EPSTI1: variants seen among roughly 807,000 people sequenced by gnomAD.
The protein encoded by EPSTI1 is epithelial stromal interaction 1, also known as epithelial-stromal interaction protein 1.
In EPSTI1, 66 loss-of-function variants were observed where a neutral mutation model predicts 49.9. That is an observed-to-expected ratio of 1.32 (90% CI 1.08 to 1.62). The LOEUF (loss-of-function observed/expected upper bound fraction) is 1.62, where lower values mean the gene tolerates loss of function less well. Among genes scored for constraint, EPSTI1 ranks in the 40% most tolerant of loss-of-function variants. The pLI, the probability that EPSTI1 is intolerant of heterozygous loss-of-function variation, is 0.00. For synonymous variants in EPSTI1, 137 were observed against 130.7 expected (o/e 1.05, Z -0.33); for missense variants, 394 against 365.5 (o/e 1.08, Z -0.64).
intron 6 of EPSTI1, among the ~76,000 whole-genome samples, chr13:42,940,546 A>G (rs1027924470): frequency 2.0e-5 from 3 of 152,132 alleles, no homozygotes; most frequent in Admixed American, 6.6e-5. Flanking sequence ...ACACACATTT[A>G]TCGGTGCTTA....
intron 6 of EPSTI1, among the ~76,000 whole-genome samples, chr13:42,948,425 G>GT (rs1237479085): frequency 0.098 from 12,533 of 127,900 alleles, 714 homozygotes; most frequent in East Asian, 0.26. Flanking sequence ...GTGGCTTGTT[G>GT]TTTTTTTTTT....
intron 6 of EPSTI1, among the ~76,000 whole-genome samples, chr13:42,936,896 A>C (rs1046911680): frequency 2.6e-5 from 4 of 152,166 alleles, no homozygotes; most frequent in African/African-American, 9.7e-5. Context: ...ATCTCAGTAC[A>C]TGGCATCACT....
chr13:42,943,164 T>G (rs1005596772), intron 6 of EPSTI1, among the ~76,000 whole-genome samples: 4 of 152,184 alleles, frequency 2.6e-5, no homozygotes, highest in African/African-American at 9.7e-5. Flanking sequence ...CACATAGAAG[T>G]GATGAAGTTG....
chr13:42,950,336 T>A (rs764925375), intron 6 of EPSTI1, among the ~76,000 whole-genome samples: 7 of 152,260 alleles, frequency 4.6e-5, no homozygotes, highest in Non-Finnish European at 1.0e-4. Context: ...GCATGTGCAA[T>A]CTGCTTGTGT....
At chr13:42,968,860 T>C (rs1027969600) in intron 3 of EPSTI1, among the ~76,000 whole-genome samples, 2 of 150,780 alleles carry the variant, frequency 1.3e-5, no homozygotes, top group African/African-American at 4.9e-5. Flanking sequence ...CATCACTGTG[T>C]TCCCATAGAA....
chr13:42,985,536 A>G (rs539442318), intron 1 of EPSTI1, among the ~76,000 whole-genome samples: 1 of 152,260 alleles, frequency 6.6e-6, no homozygotes, highest in South Asian at 2.1e-4. Context: ...GAGTCTGACA[A>G]CTTTCATTCT....
rs1261067003 is a variant in EPSTI1 at position 42,966,722 on chromosome 13, C to A, written c.331+2372G>T. On this transcript the variant is annotated intron_variant, in intron 3 of 10. Transcript: ENST00000313624. ...GGTCAGCCCCCCGCCCGGCCAGCCG[C>A]CCCGTCCGGGAGGTGAGGGGCGCCT... Among the ~76,000 whole-genome samples the A allele has an allele frequency of 2.3e-4, 21 of 89,710 alleles. 4 individuals are homozygous for A. The highest frequency in any genetic ancestry group is 7.1e-4 in the African/African-American group (21 of 29,498). The allele number at this position is 89,710 out of a possible 152,430, so 58.9% of individuals were successfully genotyped here. A position where few individuals can be genotyped will look rare whatever the true frequency, so the allele number is the denominator to read the frequency against.
intron 6 of EPSTI1, among the ~76,000 whole-genome samples, chr13:42,940,073 T>C (rs954717937): frequency 6.6e-6 from 1 of 152,262 alleles, no homozygotes; most frequent in Non-Finnish European, 1.5e-5. Flanking sequence ...GTTATCCCTG[T>C]GGCTTGAAAA....
intron 9 of EPSTI1, among the ~76,000 whole-genome samples, chr13:42,895,526 G>A (rs1398710231): frequency 6.6e-6 from 1 of 152,172 alleles, no homozygotes; most frequent in African/African-American, 2.4e-5. Context: ...CAAGATAGAT[G>A]TCCTTCCTAT....
Position 42,946,156 on chromosome 13 carries a change from C to T in EPSTI1, c.563+7792G>A, listed in dbSNP as rs563116572. Among the ~76,000 whole-genome samples the T allele has an allele frequency of 3.1e-4, 47 of 152,264 alleles. 2 individuals carry two copies. The South Asian group carries it at 9.8e-3, about 32-fold the overall frequency. ...AACTTGGTGCCTATGTGTGCATATT[C>T]AGCTGACTTGCCTGGATTCTCAGCT... On this transcript the variant is annotated intron_variant, in intron 6 of 10. Coordinates refer to ENST00000313624, the MANE Select transcript of EPSTI1 (RefSeq NM_033255.5).
chr13:42,907,470 T>C lies in EPSTI1; in HGVS notation c.742-7087A>G, dbSNP rs115321731. ...AATATCTTGTCTGTATCTCTCATTATTTCCTCAGAATAAATGTATACCTTT... is the reference window on the plus strand; with the variant it reads ...AATATCTTGTCTGTATCTCTCATTACTTCCTCAGAATAAATGTATACCTTT... On this transcript the variant is annotated intron_variant, in intron 8 of 10. Coordinates refer to ENST00000313624, the MANE Select transcript of EPSTI1 (RefSeq NM_033255.5). Among the ~76,000 whole-genome samples the C allele has an allele frequency of 4.4e-3, 668 of 152,310 alleles. 6 individuals are homozygous for C. Among genetic ancestry groups the C allele is most frequent in the African/African-American group, 0.015 (637 of 41,572 alleles).
intron 7 of EPSTI1, among the ~76,000 whole-genome samples, chr13:42,923,070 T>C (rs75542953): frequency 0.022 from 3,310 of 152,234 alleles, 44 homozygotes; most frequent in Middle Eastern, 0.061. Context: ...CCCAGAGGAC[T>C]AGAAAGGGGC....
At position 42,967,648 on chromosome 13, in the gene EPSTI1, G is replaced by A. The variant is rs57170552; in HGVS notation, c.331+1446C>T. Among the ~76,000 whole-genome samples, 556 of 152,284 alleles carry A rather than the reference G, an allele frequency of 3.7e-3. 2 individuals carry two copies. The highest frequency in any genetic ancestry group is 0.013 in the African/African-American group (528 of 41,546). ...GCCAACAGTGAGGCCAAGCCCTGCC[G>A]ACAGGAGAGGAAATCGTCTGTATCA... On this transcript the variant is annotated intron_variant, in intron 3 of 10. Transcript: ENST00000313624.
chr13:42,901,866 C>T (rs1036682645), intron 8 of EPSTI1, among the ~76,000 whole-genome samples: 8 of 152,168 alleles, frequency 5.3e-5, no homozygotes, highest in East Asian at 1.9e-4. Context: ...GCTGCACCCA[C>T]TAACTCGTCA....
At chr13:42,942,097 T>C (rs2038771335) in intron 6 of EPSTI1, among the ~76,000 whole-genome samples, 1 of 152,214 alleles carries the variant, frequency 6.6e-6, no homozygotes, top group Non-Finnish European at 1.5e-5. Flanking sequence ...TCTGCATAAA[T>C]ATCTTTTATT....
intron 6 of EPSTI1, among the ~76,000 whole-genome samples, chr13:42,948,970 G>A (rs1398292102): frequency 6.6e-6 from 1 of 152,038 alleles, no homozygotes; most frequent in East Asian, 1.9e-4. Context: ...AATTCTAAAT[G>A]CCCCCTCCCT....
rs553542019 is a variant in EPSTI1, at chr13:42,902,013, C to T, written c.742-1630G>A. 2.0e-3 allele frequency among the ~76,000 whole-genome samples: 299 copies of T among 147,540 alleles called. 2 individuals carry two copies. The highest frequency in any genetic ancestry group is 0.011 in the Middle Eastern group (3 of 278). On this transcript the variant is annotated intron_variant, in intron 8 of 10. Transcript: ENST00000313624. ...ATTCCCACCTATGAGTGAGAATATGCGGTGTTTGGTTTTTTGTTCTTGCGA... is the reference window on the plus strand; with the variant it reads ...ATTCCCACCTATGAGTGAGAATATGTGGTGTTTGGTTTTTTGTTCTTGCGA...
In EPSTI1 at chr13:42,939,210, C is replaced by A. The variant is rs189004766; in HGVS notation, c.564-12781G>T. 5.3e-5 allele frequency among the ~76,000 whole-genome samples: 8 copies of A among 152,312 alleles called. No homozygotes were observed. In the East Asian group the frequency reaches 1.3e-3, roughly 26 times the overall value. ...TGTTTTGGCTGGTCTGATCTTCTATCCAGACCACTTGAACTTTCTTCATAT... is the reference window on the plus strand; with the variant it reads ...TGTTTTGGCTGGTCTGATCTTCTATACAGACCACTTGAACTTTCTTCATAT... On this transcript the variant is annotated intron_variant, in intron 6 of 10. Coordinates refer to ENST00000313624, the MANE Select transcript of EPSTI1 (RefSeq NM_033255.5).
At chr13:42,971,378 T>C (rs893194137) in intron 1 of EPSTI1, among the ~76,000 whole-genome samples, 4 of 152,202 alleles carry the variant, frequency 2.6e-5, no homozygotes, top group Non-Finnish European at 5.9e-5. Context: ...CACAAAGACA[T>C]TGGCTGCTTG....
Sources: gnomAD v4.1 joint callset for allele counts (sites outside exome capture counted in the v4.1 genomes callset) on GRCh38, gnomAD v4.1.1 for gene constraint, MANE v1.5 for transcripts, NCBI Gene and HGNC (gene_info 2026-07-23, HGNC 2026-07-21) for gene names.